Variants in NXPH1 observed in about 807,000 individuals in gnomAD.
NXPH1 encodes the protein neurexophilin-1.
Under a neutral mutation model 23.7 loss-of-function variants are expected in NXPH1, and 5 were observed. That is an observed-to-expected ratio of 0.21 (90% CI 0.11 to 0.44). The LOEUF (loss-of-function observed/expected upper bound fraction) is 0.44. Ranked by LOEUF, NXPH1 falls within the 20% of genes least tolerant of loss-of-function variation. The pLI, the probability that NXPH1 is intolerant of heterozygous loss-of-function variation, is 0.99. For missense variants in NXPH1, 324 were observed against 321.6 expected (o/e 1.01, Z -0.06); for synonymous variants, 144 against 122.2 (o/e 1.18, Z -1.18).
chr7:8,599,313 T>G (rs1483066919), intron 2 of NXPH1, among the ~76,000 whole-genome samples: 2 of 152,086 alleles, frequency 1.3e-5, no homozygotes, highest in Non-Finnish European at 2.9e-5. Context: ...GTCATTACGC[T>G]CTACGATTTC....
intron 2 of NXPH1, among the ~76,000 whole-genome samples, chr7:8,735,310 T>C (rs80141670): frequency 1.2e-3 from 178 of 152,332 alleles, no homozygotes; most frequent in Non-Finnish European, 2.1e-3. Flanking sequence ...TTTTAAGATA[T>C]GTTCCATCAA....
chr7:8,614,752 A>G (rs769385107), intron 2 of NXPH1, among the ~76,000 whole-genome samples: 6 of 152,058 alleles, frequency 3.9e-5, no homozygotes, highest in Non-Finnish European at 8.8e-5. Context: ...TGCAGCTGTG[A>G]TGAAAGAATA....
In NXPH1 at chr7:8,670,025, T is replaced by C. The variant is rs190775060; in HGVS notation, c.55-80983T>C. On this transcript the variant is annotated intron_variant, in intron 2 of 2. Coordinates refer to ENST00000405863, the MANE Select transcript of NXPH1 (RefSeq NM_152745.3). ...AACCCCAGTCTTCAGTTGTTAAGGA[T>C]TTAGAATATTTTCTATTATAAACAA... Among the ~76,000 whole-genome samples the C allele has an allele frequency of 2.0e-5, 3 of 152,308 alleles. No individual in the cohort carries two copies. The East Asian group carries it at 5.8e-4, about 29-fold the overall frequency.
At chr7:8,572,299 C>T (rs1257137499) in intron 2 of NXPH1, among the ~76,000 whole-genome samples, 1 of 151,702 alleles carries the variant, frequency 6.6e-6, no homozygotes, top group African/African-American at 2.4e-5. Context: ...AAGGGCTAAG[C>T]TGAGAATTTT....
At position 8,752,646 on chromosome 7, in the gene NXPH1, C is replaced by A. The variant is rs886307430; in HGVS notation, c.*877C>A. The stretch of plus-strand genomic sequence containing the variant: ...ACACATATTGTAACAAATTCAATAT[C>A]CTAGTCTTCATTTGTATGAATGGTT... On this transcript the variant is annotated 3_prime_UTR_variant, in exon 3 of 3. Coordinates refer to ENST00000405863, the MANE Select transcript of NXPH1 (RefSeq NM_152745.3). 5.2e-5 allele frequency: 8 copies of A among 152,456 alleles called. No homozygotes were observed. The highest frequency in any genetic ancestry group is 1.0e-4 in the Non-Finnish European group (7 of 68,018). 9.4% of individuals were successfully genotyped at this position (152,456 alleles called of 1,614,324 possible). A position where few individuals can be genotyped will look rare whatever the true frequency, so the allele number is the denominator to read the frequency against.
intron 2 of NXPH1, among the ~76,000 whole-genome samples, chr7:8,710,738 C>G (rs1369652388): frequency 1.9e-5 from 2 of 107,146 alleles, no homozygotes; most frequent in Non-Finnish European, 3.4e-5. Flanking sequence ...TCTCGGCTCA[C>G]TGCAAGCTCC....
At chr7:8,721,563 C>T (rs941502124) in intron 2 of NXPH1, among the ~76,000 whole-genome samples, 3 of 152,050 alleles carry the variant, frequency 2.0e-5, no homozygotes, top group Admixed American at 2.0e-4. Flanking sequence ...ATCACGAGGT[C>T]AGGAGATCGA....
At chr7:8,687,840 A>G (rs1821170780) in intron 2 of NXPH1, among the ~76,000 whole-genome samples, 1 of 152,168 alleles carries the variant, frequency 6.6e-6, no homozygotes, top group African/African-American at 2.4e-5. Context: ...ATTTCTTTCT[A>G]GAAATAAGCC....
chr7:8,714,783 C>G (rs1330584753), intron 2 of NXPH1, among the ~76,000 whole-genome samples: 1 of 151,902 alleles, frequency 6.6e-6, no homozygotes, highest in African/African-American at 2.4e-5. Flanking sequence ...TGCCTGGTGC[C>G]AAATCACACT....
intron 2 of NXPH1, among the ~76,000 whole-genome samples, chr7:8,461,519 T>C (rs1448574877): frequency 2.0e-5 from 3 of 152,196 alleles, no homozygotes; most frequent in African/African-American, 7.2e-5. Flanking sequence ...AATAGCTTTG[T>C]TGTTTTGCTC....
chr7:8,457,654 G>C (rs984014829), intron 2 of NXPH1, among the ~76,000 whole-genome samples: 2 of 150,970 alleles, frequency 1.3e-5, no homozygotes, highest in Non-Finnish European at 2.9e-5. Context: ...TTCTCCCATT[G>C]TTCATACTTG....
intron 2 of NXPH1, among the ~76,000 whole-genome samples, chr7:8,585,445 G>T (rs1371389227): frequency 6.6e-6 from 1 of 152,116 alleles, no homozygotes; most frequent in Non-Finnish European, 1.5e-5. Context: ...AATTCTTTCA[G>T]TGTAACTTGA....
At chr7:8,648,724 C>T (rs4585635) in intron 2 of NXPH1, among the ~76,000 whole-genome samples, 106,919 of 152,062 alleles carry the variant, frequency 0.7, 38,420 homozygotes, top group East Asian at 1. Context: ...TGTATTTGTA[C>T]ATTAAACCAA....
At chr7:8,495,241 T>C (rs569157294) in intron 2 of NXPH1, among the ~76,000 whole-genome samples, 2 of 151,888 alleles carry the variant, frequency 1.3e-5, no homozygotes, top group East Asian at 3.9e-4. Flanking sequence ...AGTCTGGTGG[T>C]AGAATCCTTT....
chr7:8,641,741 A>G (rs1015049038), intron 2 of NXPH1, among the ~76,000 whole-genome samples: 1 of 152,184 alleles, frequency 6.6e-6, no homozygotes, highest in East Asian at 1.9e-4. Flanking sequence ...TTATTCAGGC[A>G]CACTATTTTG....
At chr7:8,482,071 C>T (rs958344049) in intron 2 of NXPH1, among the ~76,000 whole-genome samples, 5 of 152,146 alleles carry the variant, frequency 3.3e-5, no homozygotes, top group Admixed American at 2.0e-4. Context: ...TAGGCAAGTC[C>T]GTAGGCTGGG....
chr7:8,487,375 G>A (rs1282676869), intron 2 of NXPH1, among the ~76,000 whole-genome samples: 5 of 152,124 alleles, frequency 3.3e-5, no homozygotes, highest in African/African-American at 4.8e-5. Flanking sequence ...CCCTGCACAT[G>A]CTCTCTTGTC....
intron 2 of NXPH1, among the ~76,000 whole-genome samples, chr7:8,455,062 A>G (rs773794747): frequency 7.2e-5 from 11 of 152,114 alleles, no homozygotes; most frequent in Admixed American, 7.2e-4. Flanking sequence ...TAAATTGTGG[A>G]CCAGAGGGCT....
At chr7:8,446,298 G>C (rs1816402251) in intron 2 of NXPH1, among the ~76,000 whole-genome samples, 1 of 152,118 alleles carries the variant, frequency 6.6e-6, no homozygotes, top group African/African-American at 2.4e-5. Context: ...TACTTGACGT[G>C]TTTTGAAAGT....
Sources: gnomAD v4.1 joint callset for allele counts (sites outside exome capture counted in the v4.1 genomes callset) on GRCh38, gnomAD v4.1.1 for gene constraint, MANE v1.5 for transcripts, NCBI Gene and HGNC (gene_info 2026-07-23, HGNC 2026-07-21) for gene names.